The following CHD8 variants were observed in gnomAD, a reference collection of about 807,000 sequenced individuals.
CHD8 encodes ATP-dependent chromatin remodeler CHD8.
In CHD8, 31 loss-of-function variants were observed where a neutral mutation model predicts 279.2. The ratio of observed to expected loss-of-function variants is 0.11; its 90% CI spans 0.08 to 0.15. The LOEUF (loss-of-function observed/expected upper bound fraction) is 0.15. Among genes scored for constraint, CHD8 ranks in the 10% least tolerant of loss-of-function variants. CHD8 has a pLI of 1.00. For synonymous variants in CHD8, 1,081 were observed against 1,139.6 expected (o/e 0.95, Z 1.04); for missense variants, 2,146 against 3,230.5 (o/e 0.66, Z 8.14).
chr14:21,386,585 C>T (rs1275724443), intron 37 of CHD8, among the ~76,000 whole-genome samples: 1 of 152,198 alleles, frequency 6.6e-6, no homozygotes, highest in Non-Finnish European at 1.5e-5. Context: ...CGCCTGTAAT[C>T]CCAGCACTTT....
intron 34 of CHD8, chr14:21,392,271 TAAGCATACTA>T: frequency 1.3e-6 from 1 of 754,032 alleles, no homozygotes; most frequent in Non-Finnish European, 2.4e-6. Flanking sequence ...CTGCTATTCC[TAAGCATACTA>T]ATTTAAGAAA....
At chr14:21,415,324 C>T in intron 7 of CHD8, 1 of 341,488 alleles carries the variant, frequency 2.9e-6, no homozygotes, top group Non-Finnish European at 5.1e-6. Flanking sequence ...GTGAACATAG[C>T]ATTACGGGTT....
chr14:21,449,509 C>A (rs1229686664), intron 1 of CHD8, among the ~76,000 whole-genome samples: 1 of 152,050 alleles, frequency 6.6e-6, no homozygotes, highest in Non-Finnish European at 1.5e-5. Context: ...GGAGGGATAC[C>A]GAAATAGATG....
Position 21,406,909 on chromosome 14 carries a change from G to A in CHD8, c.2854C>T (p.Arg952Ter), listed in dbSNP as rs1131691548. The A allele has an allele frequency of 6.2e-7, 1 of 1,613,538 alleles. No homozygotes were observed. The highest frequency in any genetic ancestry group is 8.5e-7 in the Non-Finnish European group (1 of 1,179,732). Residue 952 changes from arginine to a stop codon, truncating the protein, a stop_gained, in exon 14 of 38, where the codon CGA becomes TGA. Transcript: ENST00000646647. LOFTEE classifies it high-confidence loss of function. ...WRCVIIDEAH[R>*]LKNRNCKLLD... ...AGCTTGCAATTACGGTTTTTCAGTC[G>A]ATGGGCTTCATCAATGATAACACAA...
At chr14:21,410,136 G>C in intron 10 of CHD8, 148 bp from the exon 11 acceptor site, 2 of 640,846 alleles carry the variant, frequency 3.1e-6, no homozygotes, top group Non-Finnish European at 5.0e-6. Context: ...TCGACCAAAA[G>C]TTCACCTTCT....
chr14:21,385,833 G>A lies in CHD8; in HGVS notation c.7526C>T (p.Pro2509Leu). 3 of 1,549,162 alleles carry A rather than the reference G, an allele frequency of 1.9e-6. No individual in the cohort carries two copies. The highest frequency in any genetic ancestry group is 2.6e-6 in the Non-Finnish European group (3 of 1,146,264). The change falls in exon 38 of 38, where the codon CCA becomes CTA. Residue 2509 changes from proline to leucine, a missense_variant. Physicochemically the swap from Pro to Leu is moderately conservative, Grantham distance 98. Coordinates refer to ENST00000646647, the MANE Select transcript of CHD8 (RefSeq NM_001170629.2). The part of the protein sequence containing the change: ...PHPHHHHHHH[P>L]GLRAPGYPSS... The stretch of plus-strand genomic sequence containing the variant: ...GGGGTAGCCAGGGGCTCTCAAGCCT[G>A]GATGGTGATGGTGGTGATGGTGGGG...
chr14:21,449,641 A>T (rs1156462623), intron 1 of CHD8, among the ~76,000 whole-genome samples: 2 of 152,260 alleles, frequency 1.3e-5, no homozygotes, highest in Non-Finnish European at 2.9e-5. Flanking sequence ...TTCAACCAGC[A>T]CTTGTGATCT....
At chr14:21,409,628 A>T (rs1445547532) in intron 11 of CHD8, among the ~76,000 whole-genome samples, 1 of 152,220 alleles carries the variant, frequency 6.6e-6, no homozygotes, top group Non-Finnish European at 1.5e-5. Flanking sequence ...TTGATTTAAA[A>T]TAACCTGGGA....
chr14:21,425,222 G>C (rs1355398571), intron 5 of CHD8: 1 of 152,074 alleles, frequency 6.6e-6, no homozygotes, highest in Admixed American at 6.6e-5. Flanking sequence ...TTCTAAGAGA[G>C]AGTCAAGTTC....
At position 21,400,229 on chromosome 14, in the gene CHD8, T is replaced by A; in HGVS notation, c.4649A>T (p.Asp1550Val). Residue 1550 changes from aspartate to valine, a missense_variant, in exon 24 of 38, where the codon GAT becomes GTT. Physicochemically the swap from Asp to Val is radical, Grantham distance 152. Coordinates refer to ENST00000646647, the MANE Select transcript of CHD8 (RefSeq NM_001170629.2). This position sits in a 1 kb window ranked among gnomAD's most constrained non-coding sequence, Gnocchi z 4.2. ...GTCAGGGTTATATTTCCGGATCCAA[T>A]CTGCCTTATGGATATCAAAAGTGCT... ...SQSTFDIHKA[D>V]WIRKYNPDTL... 3 of 1,613,966 alleles carry A rather than the reference T, an allele frequency of 1.9e-6. No individual in the cohort carries two copies. Among genetic ancestry groups the A allele is most frequent in the Non-Finnish European group, 1.7e-6 (2 of 1,179,882 alleles).
At chr14:21,436,099 T>C (rs1464169378) in intron 1 of CHD8, among the ~76,000 whole-genome samples, 1 of 152,262 alleles carries the variant, frequency 6.6e-6, no homozygotes, top group Non-Finnish European at 1.5e-5. Flanking sequence ...TGAGCCATGC[T>C]GACCTCTTTC....
At chr14:21,441,682 A>G (rs980458227) in intron 1 of CHD8, among the ~76,000 whole-genome samples, 1 of 151,964 alleles carries the variant, frequency 6.6e-6, no homozygotes, top group Middle Eastern at 3.2e-3. Flanking sequence ...AGGTCAGGAG[A>G]TGGAGACCAT....
chr14:21,388,853 A>G (rs1365310790), intron 37 of CHD8, among the ~76,000 whole-genome samples: 1 of 152,194 alleles, frequency 6.6e-6, no homozygotes, highest in Non-Finnish European at 1.5e-5. Flanking sequence ...CCTGGAACCA[A>G]TCCCTCACAG....
chr14:21,393,785 G>C lies in CHD8; in HGVS notation c.6010C>G (p.Pro2004Ala). ...GTCTCCTCGGGTGACTTTTCAACAG[G>C]AGCATCTGGGCGCAGGGGCAGTGGT... ...ASPLPLRPDAPVEKSPEETAT... is the reference protein window; with the variant it reads ...ASPLPLRPDAAVEKSPEETAT... The change falls in exon 32 of 38, where the codon CCT (proline) becomes GCT (alanine). Residue 2004 changes from proline to alanine, a missense_variant. Pro to Ala is a conservative substitution (Grantham distance 27). Coordinates refer to ENST00000646647, the MANE Select transcript of CHD8 (RefSeq NM_001170629.2). 6.2e-7 allele frequency: 1 copy of C among 1,613,978 alleles called. No individual in the cohort carries two copies. Among genetic ancestry groups the C allele is most frequent in the South Asian group, 1.1e-5 (1 of 91,086 alleles).
intron 5 of CHD8, among the ~76,000 whole-genome samples, chr14:21,419,237 T>A (rs1888899819): frequency 6.6e-6 from 1 of 152,178 alleles, no homozygotes; most frequent in South Asian, 2.1e-4. Context: ...GGAAACACTT[T>A]AAACAAGTAC....
chr14:21,401,018 G>A lies in CHD8; in HGVS notation c.4227C>T (p.Ser1409=). ...PRVRKQTRHF[S]TLKDDDLVEF... ...CCACCAGGTCATCATCTTTCAGAGT[G>A]CTAAAGTGGCGCGTTTGTTTTCGTA... Residue 1409 remains serine, a synonymous_variant, in exon 22 of 38, where the codon AGC becomes AGT. Transcript: ENST00000646647. 4.3e-6 allele frequency: 7 copies of A among 1,613,788 alleles called. No homozygotes were observed. The highest frequency in any genetic ancestry group is 5.9e-6 in the Non-Finnish European group (7 of 1,179,816).
chr14:21,428,598 T>C (rs1264333135), intron 3 of CHD8, among the ~76,000 whole-genome samples: 2 of 152,212 alleles, frequency 1.3e-5, no homozygotes, highest in Admixed American at 6.5e-5. Flanking sequence ...GCCTACCTTT[T>C]ATCTGCCTGG....
In CHD8 at chr14:21,399,597, C is replaced by T. The variant is rs377595194; in HGVS notation, c.4921+5G>A. The T allele has an allele frequency of 2.1e-4, 339 of 1,600,722 alleles. 1 individual carries two copies. The highest frequency in any genetic ancestry group is 5.0e-4 in the Middle Eastern group (3 of 6,060). Reference sequence around the variant, plus strand: ...GAAAGGAGTAGAATAGGAGAAGATACGTACCATGTTTAAAGACTCCAATGA... The same window carrying T: ...GAAAGGAGTAGAATAGGAGAAGATATGTACCATGTTTAAAGACTCCAATGA... On this transcript the variant is annotated splice_donor_5th_base_variant and intron_variant, in intron 26 of 37. Transcript: ENST00000646647.
At chr14:21,422,366 T>C (rs1402477234) in intron 5 of CHD8, among the ~76,000 whole-genome samples, 3 of 152,106 alleles carry the variant, frequency 2.0e-5, no homozygotes, top group East Asian at 1.9e-4. Context: ...GAAATGTCCA[T>C]AGTTTAAGCC....
Sources: allele counts gnomAD v4.1 joint callset (sites outside exome capture counted in the v4.1 genomes callset), GRCh38; gene constraint gnomAD v4.1.1; non-coding constraint Gnocchi (gnomAD v3.1); transcripts MANE v1.5; gene names NCBI Gene and HGNC (gene_info 2026-07-23, HGNC 2026-07-21).